ARRDC2: variants seen among roughly 807,000 people sequenced by gnomAD.
ARRDC2 encodes the protein arrestin domain-containing protein 2.
ARRDC2 carries 39 observed loss-of-function variants against 38.9 expected under a neutral mutation model. The ratio of observed to expected loss-of-function variants is 1.00; its 90% CI spans 0.78 to 1.31. ARRDC2 has a LOEUF of 1.31. Among genes scored for constraint, ARRDC2 ranks in the 50% most tolerant of loss-of-function variants. The probability of loss-of-function intolerance (pLI) is 0.00; values close to 1 mark genes in which losing one functional copy is unlikely to be tolerated. For synonymous variants in ARRDC2, 300 were observed against 261.9 expected, an observed-to-expected ratio of 1.15 and a Z score of -1.41; for missense variants, 553 against 588.4, an observed-to-expected ratio of 0.94 and a Z score of 0.62.
At chr19:18,004,526 C>T (rs899503615), upstream of ARRDC2, among the ~76,000 whole-genome samples, 1 of 148,902 alleles carries the variant, frequency 6.7e-6, no homozygotes, top group African/African-American at 2.5e-5. Flanking sequence ...GGATTACAGG[C>T]GTGAGCCACC....
At position 18,008,508 on chromosome 19, in the gene ARRDC2, C is replaced by G; in HGVS notation, c.198C>G (p.Gly66=). 1 of 1,533,612 alleles carries G rather than the reference C, an allele frequency of 6.5e-7. No individual in the cohort carries two copies. Among genetic ancestry groups the G allele is most frequent in the Non-Finnish European group, 8.7e-7 (1 of 1,146,970 alleles). Residue 66 remains glycine (G), a synonymous_variant, in exon 1 of 8, where the codon GGC becomes GGG. Coordinates refer to ENST00000222250, the MANE Select transcript of ARRDC2 (RefSeq NM_015683.2). ...ACTGGACCGAGTCGCGCAGCGCGGG[C>G]TCGAGCACGGCTTACACGCAGAGCT... is the stretch of plus-strand genomic sequence containing the variant. ...HVHWTESRSA[G]SSTAYTQSYS...
In ARRDC2 at chr19:18,012,915, G is replaced by A. The variant is rs1451766631; in HGVS notation, c.1173G>A (p.Glu391=). Residue 391 remains glutamate, a splice_region_variant and synonymous_variant, in exon 8 of 8, where the codon GAG becomes GAA. Transcript: ENST00000222250. ...CTTAATGGGAACATTTCTCTTAGGA[G>A]GATCCAAACCCACTCTTGGGGGACA... ...RYRPPPLYSE[E]DPNPLLGDMR... 6.2e-7 allele frequency: 1 copy of A among 1,613,864 alleles called. No homozygotes were observed. Among genetic ancestry groups the A allele is most frequent in the South Asian group, 1.1e-5 (1 of 91,038 alleles).
In ARRDC2 at chr19:18,008,700, C is replaced by T. The variant is rs1475938537; in HGVS notation, c.275-11C>T. ...AACCGCTCAGTCGCCTCCTTTTTCTCCTACCTGCAGATACCGGGGAGACCA... is the reference window on the plus strand; with the variant it reads ...AACCGCTCAGTCGCCTCCTTTTTCTTCTACCTGCAGATACCGGGGAGACCA... On this transcript the variant is annotated splice_polypyrimidine_tract_variant and intron_variant, in intron 1 of 7. Coordinates refer to ENST00000222250, the MANE Select transcript of ARRDC2 (RefSeq NM_015683.2). 1.2e-6 allele frequency: 2 copies of T among 1,612,686 alleles called. No homozygotes were observed. Among genetic ancestry groups the T allele is most frequent in the Non-Finnish European group, 1.7e-6 (2 of 1,179,974 alleles).
chr19:18,006,928 C>T (rs1412200979), upstream of ARRDC2, among the ~76,000 whole-genome samples: 1 of 152,222 alleles, frequency 6.6e-6, no homozygotes, highest in Non-Finnish European at 1.5e-5. Context: ...CTTTCAACTC[C>T]AAAGACCCAT....
chr19:18,006,181 G>A (rs1297645616), upstream of ARRDC2, among the ~76,000 whole-genome samples: 1 of 150,940 alleles, frequency 6.6e-6, no homozygotes, highest in East Asian at 2.0e-4. Context: ...CATCCCAGAC[G>A]ATGGGCGGTC....
chr19:18,006,841 C>T (rs954905277), upstream of ARRDC2, among the ~76,000 whole-genome samples: 2 of 152,144 alleles, frequency 1.3e-5, no homozygotes, highest in African/African-American at 4.8e-5. Flanking sequence ...CCTAATCCCG[C>T]TTCTCCTCCC....
Position 18,008,389 on chromosome 19 carries a change from G to A in ARRDC2, c.79G>A (p.Gly27Ser). The A allele has an allele frequency of 2.5e-6, 4 of 1,595,642 alleles. No homozygotes were observed. The highest frequency in any genetic ancestry group is 3.4e-6 in the Non-Finnish European group (4 of 1,178,480). Residue 27 changes from glycine (G) to serine (S), a missense_variant, in exon 1 of 8, where the codon GGC (glycine) becomes AGC (serine). Gly to Ser is a moderately conservative substitution (Grantham distance 56). Transcript: ENST00000222250. ...GGGCGTCGAGCCCGTGTTTAGCGGC[G>A]GCCAGGCCGTGGCGGGCCGGGTGCT... is the stretch of plus-strand genomic sequence containing the variant. Reference protein sequence around the residue: ...TAGVEPVFSGGQAVAGRVLLE... With the variant: ...TAGVEPVFSGSQAVAGRVLLE...
chr19:18,007,959 C>G (rs2146000997), upstream of ARRDC2: 2 of 412,618 alleles, frequency 4.8e-6, no homozygotes, highest in East Asian at 1.3e-4. Context: ...CCAGCTCTGG[C>G]AGCCTAAGGG....
In ARRDC2 at chr19:18,010,705, C is replaced by T. The variant is rs77039320; in HGVS notation, c.1146C>T (p.Tyr382=). ...PFFAYIQEFR[Y]RPPPLYSEED... ...TCGCCTACATCCAAGAGTTCCGCTA[C>T]CGCCCGCCACCCCTGTACTCTGAGG... The change falls in exon 7 of 8, where the codon TAC becomes TAT. Residue 382 remains tyrosine, a synonymous_variant. Coordinates refer to ENST00000222250, the MANE Select transcript of ARRDC2 (RefSeq NM_015683.2). 7,240 of 1,613,842 alleles carry T rather than the reference C, an allele frequency of 4.5e-3. 235 individuals carry two copies. In the African/African-American group the frequency reaches 0.077, roughly 17 times the overall value.
At chr19:18,003,691 G>C (rs182341031), upstream of ARRDC2, among the ~76,000 whole-genome samples, 18 of 151,708 alleles carry the variant, frequency 1.2e-4, no homozygotes, top group Admixed American at 5.3e-4. Flanking sequence ...CCAGGCTGGA[G>C]TGCAGTGGCA....
At chr19:18,004,912 G>A (rs553737788), upstream of ARRDC2, among the ~76,000 whole-genome samples, 73 of 150,902 alleles carry the variant, frequency 4.8e-4, 1 homozygote, top group Non-Finnish European at 5.9e-4. Flanking sequence ...AGGTGGAAGG[G>A]AGGCAGAGGT....
At chr19:18,004,855 C>T (rs557543994), upstream of ARRDC2, among the ~76,000 whole-genome samples, 3 of 150,712 alleles carry the variant, frequency 2.0e-5, no homozygotes, top group African/African-American at 4.9e-5. Context: ...CAAAAATTAG[C>T]GGGGCATGGT....
chr19:18,010,509 C>T (rs2033390331), intron 6 of ARRDC2, 63 bp from the exon 7 acceptor site: 1 of 1,586,594 alleles, frequency 6.3e-7, no homozygotes, highest in Non-Finnish European at 8.6e-7. Flanking sequence ...AGCTCCTGGC[C>T]CCTGGTCCCT....
upstream of ARRDC2, among the ~76,000 whole-genome samples, chr19:18,006,061 G>A (rs1432699836): frequency 6.6e-6 from 1 of 151,558 alleles, no homozygotes; most frequent in Non-Finnish European, 1.5e-5. Flanking sequence ...TCACTTCGTA[G>A]ATGGGATGGC....
At chr19:18,001,582 C>A in intron 1 of ARRDC2, 1 of 1,315,274 alleles carries the variant, frequency 7.6e-7, no homozygotes, top group African/African-American at 1.5e-5. Context: ...AGGTGAGACA[C>A]TCGTCGCGCC....
upstream of ARRDC2, among the ~76,000 whole-genome samples, chr19:18,004,836 C>CA (rs2033240302): frequency 2.0e-5 from 3 of 151,034 alleles, no homozygotes; most frequent in Admixed American, 6.6e-5. Flanking sequence ...CCCATCTTTA[C>CA]AAAAAATACA....
At chr19:18,006,112 G>A (rs1224003827), upstream of ARRDC2, among the ~76,000 whole-genome samples, 2 of 150,992 alleles carry the variant, frequency 1.3e-5, no homozygotes, top group South Asian at 2.1e-4. Context: ...GTGGGATGGC[G>A]GCCGGGCAGA....
chr19:18,006,035 C>G (rs1339702136), upstream of ARRDC2, among the ~76,000 whole-genome samples: 2 of 151,332 alleles, frequency 1.3e-5, no homozygotes, highest in Non-Finnish European at 2.9e-5. Context: ...GATGGGCGGC[C>G]GGGCAGAGAC....
At chr19:18,005,919 C>A (rs1222453307), upstream of ARRDC2, among the ~76,000 whole-genome samples, 1 of 148,304 alleles carries the variant, frequency 6.7e-6, no homozygotes. Flanking sequence ...ACGGGGCGGC[C>A]GGGCAGAGAC....
Sources: gnomAD v4.1 joint callset for allele counts (sites outside exome capture counted in the v4.1 genomes callset) on GRCh38, gnomAD v4.1.1 for gene constraint, MANE v1.5 for transcripts, NCBI Gene and HGNC (gene_info 2026-07-23, HGNC 2026-07-21) for gene names.